PVT1: variants seen among roughly 807,000 people sequenced by gnomAD.
The protein encoded by PVT1 is CXCR4/PVT1 fusion.
chr8:128,077,675 T>C (rs1416000199), intron 5 of PVT1, among the ~76,000 whole-genome samples: 1 of 152,240 alleles, frequency 6.6e-6, no homozygotes, highest in African/African-American at 2.4e-5. Flanking sequence ...CGTTTCCATT[T>C]ATCAAGCCTC....
At chr8:128,044,011 AT>A (rs66807418) in intron 4 of PVT1, among the ~76,000 whole-genome samples, 36,702 of 97,782 alleles carry the variant, frequency 0.38, 4,812 homozygotes, top group Admixed American at 0.44. Flanking sequence ...ATTATTATTT[AT>A]TTATTTTTTT....
At chr8:128,057,382 A>G (rs1169397390) in intron 4 of PVT1, among the ~76,000 whole-genome samples, 2 of 152,162 alleles carry the variant, frequency 1.3e-5, no homozygotes, top group Non-Finnish European at 2.9e-5. Context: ...TTCTCTTTCT[A>G]CTATACTGGC....
intron 2 of PVT1, among the ~76,000 whole-genome samples, chr8:127,875,363 G>GTCTCTGTCTCTC (rs1554593476): frequency 6.7e-6 from 1 of 149,616 alleles, no homozygotes; most frequent in Non-Finnish European, 1.5e-5. Context: ...CTCTGTCTCT[G>GTCTCTGTCTCTC]TCTCTCTCTC....
intron 5 of PVT1, among the ~76,000 whole-genome samples, chr8:128,094,438 A>G (rs1814400636): frequency 6.6e-6 from 1 of 152,226 alleles, no homozygotes; most frequent in Non-Finnish European, 1.5e-5. Flanking sequence ...TTGTTCATTT[A>G]TGTATTGTCT....
intron 4 of PVT1, among the ~76,000 whole-genome samples, chr8:128,058,213 T>A (rs1330474668): frequency 6.6e-6 from 1 of 152,218 alleles, no homozygotes; most frequent in African/African-American, 2.4e-5. Context: ...TTGGGTAAAT[T>A]AATGAATAGT....
chr8:128,077,061 G>A (rs1233080430), intron 5 of PVT1, among the ~76,000 whole-genome samples: 1 of 152,182 alleles, frequency 6.6e-6, no homozygotes, highest in Non-Finnish European at 1.5e-5. Flanking sequence ...TTTCCCTAGG[G>A]GGCCCAATGA....
rs1006543257 is a variant in PVT1 at position 127,875,722 on chromosome 8, C to G, written n.373-14867C>G. Among the ~76,000 whole-genome samples, 8 of 152,166 alleles carry G rather than the reference C, an allele frequency of 5.3e-5. No individual in the cohort carries two copies. In the South Asian group the frequency reaches 6.2e-4, roughly 12 times the overall value. ...ACCTTGGACAAGGCACCCTGGGGAG[C>G]CTTAGCTGCTCATATGCACAAGCTT... On this transcript the variant is annotated intron_variant and non_coding_transcript_variant, in intron 2 of 10. Transcript: ENST00000651587.
chr8:127,936,616 T>C (rs932471334), intron 3 of PVT1, among the ~76,000 whole-genome samples: 2 of 152,118 alleles, frequency 1.3e-5, no homozygotes, highest in Non-Finnish European at 2.9e-5. Context: ...ATCATTTCCC[T>C]CCCGCCGTGA....
chr8:127,972,917 T>G (rs1302521091), intron 3 of PVT1, among the ~76,000 whole-genome samples: 1 of 152,034 alleles, frequency 6.6e-6, no homozygotes, highest in African/African-American at 2.4e-5. Context: ...TTAAAACAAA[T>G]TTTTAGAGAG....
At chr8:127,813,187 T>C (rs1814618684) in intron 2 of PVT1, among the ~76,000 whole-genome samples, 1 of 146,824 alleles carries the variant, frequency 6.8e-6, no homozygotes, top group Admixed American at 6.9e-5. Context: ...ATATATAATA[T>C]ATACAAATAT....
At chr8:127,836,339 A>G (rs1425103276) in intron 2 of PVT1, among the ~76,000 whole-genome samples, 3 of 152,152 alleles carry the variant, frequency 2.0e-5, no homozygotes, top group Non-Finnish European at 4.4e-5. Flanking sequence ...CATGTGCAGG[A>G]TGTGCAGATT....
At position 127,914,997 on chromosome 8, in the gene PVT1, G is replaced by C. The variant is rs1815965107; in HGVS notation, n.782+23999G>C. Among the ~76,000 whole-genome samples, 3 of 152,020 alleles carry C rather than the reference G, an allele frequency of 2.0e-5. No homozygotes were observed. The South Asian group carries it at 6.2e-4, about 32-fold the overall frequency. Reference sequence around the variant, plus strand: ...TGTGCCATCACACCCGGCTAATTTTGTATTTTTGGTAGAGATGGGGTTTCA... The same window carrying C: ...TGTGCCATCACACCCGGCTAATTTTCTATTTTTGGTAGAGATGGGGTTTCA... On this transcript the variant is annotated intron_variant and non_coding_transcript_variant, in intron 3 of 10. Transcript: ENST00000651587.
In PVT1 at chr8:127,840,052, A is replaced by G. The variant is rs1814955759; in HGVS notation, n.372+43981A>G. Among the ~76,000 whole-genome samples the G allele has an allele frequency of 2.6e-5, 4 of 152,220 alleles. No homozygotes were observed. In the South Asian group the frequency reaches 6.2e-4, roughly 24 times the overall value. On this transcript the variant is annotated intron_variant and non_coding_transcript_variant, in intron 2 of 10. Transcript: ENST00000651587. The stretch of plus-strand genomic sequence containing the variant: ...ATGGATTGAGTCGGGAGGGAGGGGA[A>G]CTAGAGAATACCCAAGTCCCAATGG...
At chr8:127,926,118 C>T (rs1244764896) in intron 3 of PVT1, among the ~76,000 whole-genome samples, 1 of 152,188 alleles carries the variant, frequency 6.6e-6, no homozygotes, top group Non-Finnish European at 1.5e-5. Context: ...CTGGCCGGCT[C>T]TCTTCTCCCC....
chr8:127,960,966 T>C (rs1415016841), intron 3 of PVT1, among the ~76,000 whole-genome samples: 2 of 133,906 alleles, frequency 1.5e-5, no homozygotes, highest in Non-Finnish European at 3.2e-5. Flanking sequence ...CGGGCACGAA[T>C]AGGGGAGGAA....
intron 4 of PVT1, among the ~76,000 whole-genome samples, chr8:128,001,272 C>T (rs773938398): frequency 5.9e-5 from 9 of 152,204 alleles, no homozygotes; most frequent in South Asian, 2.1e-4. Context: ...ATAAAGGTGA[C>T]GCTTCGGGTT....
At chr8:127,914,382 G>A (rs1362275032) in intron 3 of PVT1, among the ~76,000 whole-genome samples, 2 of 148,160 alleles carry the variant, frequency 1.3e-5, no homozygotes, top group African/African-American at 2.5e-5. Flanking sequence ...AGATGATACA[G>A]TCTCTGTGGA....
chr8:128,069,819 T>C (rs1396400714), intron 4 of PVT1, among the ~76,000 whole-genome samples: 1 of 152,178 alleles, frequency 6.6e-6, no homozygotes, highest in Non-Finnish European at 1.5e-5. Context: ...TGACTGTAAA[T>C]CTGGCTGTGT....
At chr8:127,835,584 G>A (rs1356117061) in intron 2 of PVT1, among the ~76,000 whole-genome samples, 1 of 152,070 alleles carries the variant, frequency 6.6e-6, no homozygotes, top group East Asian at 1.9e-4. Flanking sequence ...TGCGTGTTCT[G>A]TACATGTATC....
Sources: gnomAD v4.1 joint callset for allele counts (sites outside exome capture counted in the v4.1 genomes callset) on GRCh38, gnomAD v4.1.1 for gene constraint, MANE v1.5 for transcripts, NCBI Gene and HGNC (gene_info 2026-07-23, HGNC 2026-07-21) for gene names.